Variants in FGF12 observed in about 807,000 individuals in gnomAD.
The protein encoded by FGF12 is fibroblast growth factor 12.
Under a neutral mutation model 23.6 loss-of-function variants are expected in FGF12, and 14 were observed. The ratio of observed to expected loss-of-function variants is 0.59; its 90% CI spans 0.39 to 0.93. The LOEUF (loss-of-function observed/expected upper bound fraction) is 0.93, where lower values mean the gene tolerates loss of function less well. Ranked by LOEUF, FGF12 falls within the 40% of genes least tolerant of loss-of-function variation. The pLI is 0.00. For missense variants in FGF12, 175 were observed against 217.8 expected, an observed-to-expected ratio of 0.80 and a Z score of 1.24; for synonymous variants, 62 against 77.3, an observed-to-expected ratio of 0.80 and a Z score of 1.04.
chr3:192,276,206 T>G (rs1262224677), intron 4 of FGF12, among the ~76,000 whole-genome samples: 1 of 131,478 alleles, frequency 7.6e-6, no homozygotes, highest in Non-Finnish European at 1.6e-5. Context: ...CTGCAGAAAA[T>G]ATAGTCCACG....
chr3:192,679,994 C>T (rs1265939039), intron 2 of FGF12, among the ~76,000 whole-genome samples: 1 of 152,110 alleles, frequency 6.6e-6, no homozygotes, highest in African/African-American at 2.4e-5. Flanking sequence ...GTGGAAATAA[C>T]AAAAACAAAC....
At chr3:192,592,488 CGTT>C in intron 2 of FGF12, among the ~76,000 whole-genome samples, 1 of 151,894 alleles carries the variant, frequency 6.6e-6, no homozygotes, top group South Asian at 2.1e-4. Context: ...CCCCTCCTAT[CGTT>C]GTTTCTTTCT....
chr3:192,377,972 C>T (rs1001703438), intron 2 of FGF12, among the ~76,000 whole-genome samples: 3 of 142,224 alleles, frequency 2.1e-5, no homozygotes, highest in African/African-American at 9.3e-5. Context: ...AATGTCTTTT[C>T]TGGTATTACG....
At chr3:192,567,805 T>C (rs7427175) in intron 2 of FGF12, among the ~76,000 whole-genome samples, 20 of 130,458 alleles carry the variant, frequency 1.5e-4, no homozygotes, top group East Asian at 1.4e-3. Flanking sequence ...TTCTTTCTCT[T>C]TCTTTCTTTC....
In FGF12 at chr3:192,336,207, CAT is replaced by C. The variant is rs1297014491; in HGVS notation, c.125-745_125-744del. On this transcript the variant is annotated intron_variant, in intron 3 of 5. Transcript: ENST00000445105. The surrounding 1 kb of genome is among the most constrained non-coding windows in gnomAD (Gnocchi z 4.3). Reference sequence around the variant, plus strand: ...ACATATATATATGCACACACACACACATATACTCAAAACCATTAAGAATTAAT... The same window carrying C: ...ACATATATATATGCACACACACACACATACTCAAAACCATTAAGAATTAAT... Among the ~76,000 whole-genome samples, 2 of 150,376 alleles carry C rather than the reference CAT, an allele frequency of 1.3e-5. No individual in the cohort carries two copies. Among genetic ancestry groups the C allele is most frequent in the Non-Finnish European group, 3.0e-5 (2 of 67,440 alleles).
At chr3:192,528,081 C>A (rs1724995645) in intron 2 of FGF12, among the ~76,000 whole-genome samples, 2 of 152,136 alleles carry the variant, frequency 1.3e-5, no homozygotes, top group Admixed American at 6.5e-5. Flanking sequence ...CCTCACATAT[C>A]AAAGCCAATC....
At chr3:192,292,698 TTCTA>T (rs1472187532) in intron 4 of FGF12, among the ~76,000 whole-genome samples, 2 of 152,186 alleles carry the variant, frequency 1.3e-5, no homozygotes, top group Non-Finnish European at 2.9e-5. Context: ...CTGGCTCACT[TTCTA>T]TCTAAAACAT....
chr3:192,152,448 T>C (rs2108588661), intron 5 of FGF12, among the ~76,000 whole-genome samples: 1 of 145,160 alleles, frequency 6.9e-6, no homozygotes, highest in Admixed American at 6.9e-5. Flanking sequence ...CTTGTGGGCA[T>C]TTAGTGCTAT....
chr3:192,370,387 A>T (rs1023212114), intron 2 of FGF12, among the ~76,000 whole-genome samples: 4 of 152,086 alleles, frequency 2.6e-5, no homozygotes, highest in Non-Finnish European at 5.9e-5. Flanking sequence ...CACAAACAAA[A>T]GTTGTAATTG....
At chr3:192,207,649 C>A (rs1014053521) in intron 4 of FGF12, among the ~76,000 whole-genome samples, 1 of 152,050 alleles carries the variant, frequency 6.6e-6, no homozygotes, top group East Asian at 1.9e-4. Flanking sequence ...GAAGGGTCAT[C>A]GATACTTTGC....
chr3:192,560,827 C>T (rs997791514), intron 2 of FGF12, among the ~76,000 whole-genome samples: 1 of 151,780 alleles, frequency 6.6e-6, no homozygotes, highest in Non-Finnish European at 1.5e-5. Flanking sequence ...TCTAACAAAC[C>T]TATTACTGAA....
chr3:192,451,436 T>C (rs945360271), intron 2 of FGF12, among the ~76,000 whole-genome samples: 3 of 152,212 alleles, frequency 2.0e-5, no homozygotes, highest in Non-Finnish European at 4.4e-5. Flanking sequence ...AGGCTTGCTA[T>C]GGCCAAACCA....
intron 2 of FGF12, among the ~76,000 whole-genome samples, chr3:192,639,030 A>G (rs1715689135): frequency 6.6e-6 from 1 of 152,246 alleles, no homozygotes; most frequent in Non-Finnish European, 1.5e-5. Flanking sequence ...AATTGGGAAA[A>G]AAATATTTGC....
chr3:192,320,308 T>C (rs1716466762), intron 4 of FGF12, among the ~76,000 whole-genome samples: 1 of 152,082 alleles, frequency 6.6e-6, no homozygotes, highest in South Asian at 2.1e-4. Context: ...TAAATATAAA[T>C]GCACCCAACA....
chr3:192,582,927 T>A (rs76075039), intron 2 of FGF12, among the ~76,000 whole-genome samples: 2,416 of 152,218 alleles, frequency 0.016, 31 homozygotes, highest in Admixed American at 0.025. Context: ...GCACTTTTCA[T>A]TCCTGGCTCT....
intron 2 of FGF12, among the ~76,000 whole-genome samples, chr3:192,387,411 G>A (rs1018270682): frequency 6.6e-6 from 1 of 151,960 alleles, no homozygotes; most frequent in East Asian, 1.9e-4. Flanking sequence ...TTTTTAAGTT[G>A]GGAGAAAGAA....
chr3:192,508,837 A>G (rs1724388877), intron 2 of FGF12, among the ~76,000 whole-genome samples: 2 of 152,168 alleles, frequency 1.3e-5, no homozygotes, highest in Non-Finnish European at 2.9e-5. Context: ...AAGCTCAGAG[A>G]GATTATCATG....
chr3:192,197,773 C>T (rs1012780925), intron 4 of FGF12, among the ~76,000 whole-genome samples: 4 of 151,916 alleles, frequency 2.6e-5, no homozygotes, highest in Admixed American at 2.0e-4. Flanking sequence ...GAAGAAACCC[C>T]GTCTCTTTTA....
At chr3:192,726,421 A>T (rs537689521) in intron 2 of FGF12, among the ~76,000 whole-genome samples, 1 of 152,176 alleles carries the variant, frequency 6.6e-6, no homozygotes, top group Non-Finnish European at 1.5e-5. Flanking sequence ...AATCCAAAAG[A>T]TATCTAATCT....
Sources: gnomAD v4.1 joint callset for allele counts (sites outside exome capture counted in the v4.1 genomes callset) on GRCh38, gnomAD v4.1.1 for gene constraint, Gnocchi (gnomAD v3.1) non-coding constraint, MANE v1.5 for transcripts, NCBI Gene and HGNC (gene_info 2026-07-23, HGNC 2026-07-21) for gene names.